Variants in OSBPL1A observed in about 807,000 individuals in gnomAD.
The protein encoded by OSBPL1A is oxysterol binding protein like 1A.
In OSBPL1A, 80 loss-of-function variants were observed where a neutral mutation model predicts 137.1. The ratio of observed to expected loss-of-function variants is 0.58; its 90% CI spans 0.49 to 0.70. The LOEUF is 0.70. Among genes scored for constraint, OSBPL1A ranks in the 30% least tolerant of loss-of-function variants. The pLI, the probability that OSBPL1A is intolerant of heterozygous loss-of-function variation, is 0.00. For synonymous variants in OSBPL1A, 365 were observed against 389.7 expected, an observed-to-expected ratio of 0.94 and a Z score of 0.75; for missense variants, 970 against 1,129.4, an observed-to-expected ratio of 0.86 and a Z score of 2.02.
At chr18:24,335,653 G>A (rs1253743936) in intron 5 of OSBPL1A, among the ~76,000 whole-genome samples, 1 of 152,206 alleles carries the variant, frequency 6.6e-6, no homozygotes, top group African/African-American at 2.4e-5. Context: ...ACTATGAAAG[G>A]TTTTTCAGGT....
chr18:24,376,635 T>C (rs747401393), intron 2 of OSBPL1A, among the ~76,000 whole-genome samples: 5 of 152,120 alleles, frequency 3.3e-5, no homozygotes, highest in Non-Finnish European at 5.9e-5. Flanking sequence ...CAGGGGGCAG[T>C]GCTCATCGAG....
intron 1 of OSBPL1A, among the ~76,000 whole-genome samples, chr18:24,392,188 G>A (rs985918007): frequency 2.6e-5 from 4 of 151,210 alleles, no homozygotes; most frequent in African/African-American, 9.7e-5. Context: ...TTGAGATGGA[G>A]TTTCACTTGT....
chr18:24,195,218 T>C (rs2086994288), intron 18 of OSBPL1A, among the ~76,000 whole-genome samples: 2 of 152,032 alleles, frequency 1.3e-5, no homozygotes, highest in Admixed American at 6.6e-5. Flanking sequence ...GGCGGATAAA[T>C]TGAGCTGGGG....
intron 14 of OSBPL1A, among the ~76,000 whole-genome samples, chr18:24,287,007 T>C (rs186352978): frequency 1.3e-5 from 2 of 152,290 alleles, no homozygotes; most frequent in Admixed American, 6.5e-5. Flanking sequence ...GATATTATTA[T>C]TTGGAAAAAA....
At chr18:24,341,688 TTAAGC>T in intron 4 of OSBPL1A, 30 bp from the exon 5 acceptor site, 5 of 1,489,842 alleles carry the variant, frequency 3.4e-6, no homozygotes, top group Non-Finnish European at 4.6e-6. Context: ...TTTTTAACTA[TTAAGC>T]TAAGATTTTA....
At position 24,163,212 on chromosome 18, in the gene OSBPL1A, G is replaced by A. The variant is rs781622643; in HGVS notation, c.2820C>T (p.Asp940=). ...QDWIYSGSYW[D]RNYFNLPDIY is the part of the protein sequence containing the mutation. ...TGTCAGGCAAATTGAAGTAATTTCT[G>A]TCCCAGTAGCTGCCAGAGTAAATCC... is the stretch of plus-strand genomic sequence containing the variant. The change falls in exon 28 of 28, where the codon GAC becomes GAT. Residue 940 remains aspartate, a synonymous_variant. Coordinates refer to ENST00000319481, the MANE Select transcript of OSBPL1A (RefSeq NM_080597.4). 5.6e-6 allele frequency: 9 copies of A among 1,613,036 alleles called. No individual in the cohort carries two copies. In the African/African-American group the frequency reaches 9.3e-5, roughly 17 times the overall value.
At chr18:24,329,394 A>G (rs1322399165) in intron 7 of OSBPL1A, among the ~76,000 whole-genome samples, 1 of 152,136 alleles carries the variant, frequency 6.6e-6, no homozygotes, top group Non-Finnish European at 1.5e-5. Flanking sequence ...TACTAAAAAT[A>G]CAAAAATTAG....
intron 14 of OSBPL1A, among the ~76,000 whole-genome samples, chr18:24,287,683 G>C (rs565712941): frequency 6.6e-6 from 1 of 152,134 alleles, no homozygotes; most frequent in South Asian, 2.1e-4. Context: ...TGAGGCAGGA[G>C]AATCGCTTGA....
At chr18:24,329,423 G>C (rs943207086) in intron 7 of OSBPL1A, among the ~76,000 whole-genome samples, 4 of 151,816 alleles carry the variant, frequency 2.6e-5, no homozygotes, top group African/African-American at 4.8e-5. Context: ...GGTGGCGCAT[G>C]CCTGTAATCC....
chr18:24,379,902 T>C (rs1906461908), intron 1 of OSBPL1A, among the ~76,000 whole-genome samples: 2 of 152,112 alleles, frequency 1.3e-5, no homozygotes, highest in Admixed American at 1.3e-4. Context: ...TCTTACAGCA[T>C]TGAAAGGCCT....
intron 24 of OSBPL1A, among the ~76,000 whole-genome samples, chr18:24,169,312 C>G (rs1159142430): frequency 6.6e-6 from 1 of 152,178 alleles, no homozygotes; most frequent in Non-Finnish European, 1.5e-5. Flanking sequence ...GATCTTAGGG[C>G]TTCCTGAACT....
intron 4 of OSBPL1A, among the ~76,000 whole-genome samples, chr18:24,360,808 G>A (rs2091610038): frequency 6.6e-6 from 1 of 152,188 alleles, no homozygotes; most frequent in African/African-American, 2.4e-5. Flanking sequence ...GAGTGTGGGT[G>A]TGTATGTGAG....
At chr18:24,376,504 C>A (rs1485749817) in intron 2 of OSBPL1A, among the ~76,000 whole-genome samples, 2 of 152,232 alleles carry the variant, frequency 1.3e-5, no homozygotes, top group African/African-American at 4.8e-5. Context: ...ACTCAGGAGC[C>A]CAGCTGGCTT....
At chr18:24,185,061 G>A (rs1326683550) in intron 18 of OSBPL1A, among the ~76,000 whole-genome samples, 1 of 152,082 alleles carries the variant, frequency 6.6e-6, no homozygotes, top group Non-Finnish European at 1.5e-5. Flanking sequence ...CTATTACTAA[G>A]GGAAAAAAAG....
At chr18:24,187,351 C>T (rs2086778055) in intron 18 of OSBPL1A, among the ~76,000 whole-genome samples, 1 of 152,110 alleles carries the variant, frequency 6.6e-6, no homozygotes, top group Non-Finnish European at 1.5e-5. Flanking sequence ...ACTGATGCCA[C>T]TGAACTTTAT....
chr18:24,288,320 A>G (rs2090107585), intron 14 of OSBPL1A, among the ~76,000 whole-genome samples: 1 of 152,252 alleles, frequency 6.6e-6, no homozygotes, highest in Non-Finnish European at 1.5e-5. Flanking sequence ...TGAAGTGAGT[A>G]GACACACAGG....
intron 19 of OSBPL1A, among the ~76,000 whole-genome samples, chr18:24,180,916 T>C (rs1202805484): frequency 6.6e-6 from 1 of 152,118 alleles, no homozygotes; most frequent in East Asian, 1.9e-4. Context: ...CCCACTAATA[T>C]CTAGGTTTGC....
intron 15 of OSBPL1A, among the ~76,000 whole-genome samples, chr18:24,261,653 C>T (rs374392340): frequency 6.6e-6 from 1 of 151,952 alleles, no homozygotes; most frequent in African/African-American, 2.4e-5. Context: ...GGCAACAGGG[C>T]AAAACCCCAT....
intron 17 of OSBPL1A, among the ~76,000 whole-genome samples, 182 bp downstream of exon 17, chr18:24,224,860 T>C (rs768663447): frequency 2.0e-5 from 3 of 152,256 alleles, no homozygotes; most frequent in Non-Finnish European, 4.4e-5. Context: ...CCTACAATTA[T>C]AGATGATTCT....
Sources: allele counts gnomAD v4.1 joint callset (sites outside exome capture counted in the v4.1 genomes callset), GRCh38; gene constraint gnomAD v4.1.1; transcripts MANE v1.5; gene names NCBI Gene and HGNC (gene_info 2026-07-23, HGNC 2026-07-21).